SLC7A5: variants seen among roughly 807,000 people sequenced by gnomAD.
SLC7A5 encodes large neutral amino acids transporter small subunit 1.
Under a neutral mutation model 50.2 loss-of-function variants are expected in SLC7A5, and 23 were observed. The observed-to-expected ratio is 0.46, with a 90% CI of 0.33 to 0.65. The LOEUF is 0.65. Among genes scored for constraint, SLC7A5 ranks in the 30% least tolerant of loss-of-function variants. The pLI is 0.02. For missense variants in SLC7A5, 578 were observed against 684.4 expected (o/e 0.84, Z 1.73); for synonymous variants, 393 against 330.6 (o/e 1.19, Z -2.05).
Position 87,852,636 on chromosome 16 carries a change from C to CTTTGTGTGTG in SLC7A5, c.539-788_539-787insCACACACAAA, listed in dbSNP as rs1491292186. 2.1e-5 allele frequency among the ~76,000 whole-genome samples: 2 copies of CTTTGTGTGTG among 97,438 alleles called. No individual in the cohort carries two copies. Among genetic ancestry groups the CTTTGTGTGTG allele is most frequent in the African/African-American group, 7.5e-5 (2 of 26,622 alleles). The allele number at this position is 97,438 out of a possible 152,430, so 63.9% of individuals were successfully genotyped here. ...CCCTGTAAGGCACCCAGCTCTGAGC[C>CTTTGTGTGTG]TCTGTGTGTGTGTGTGTGTGTGTGT... On this transcript the variant is annotated intron_variant, in intron 1 of 9. Coordinates refer to ENST00000261622, the MANE Select transcript of SLC7A5 (RefSeq NM_003486.7). This position sits in a 1 kb window ranked among gnomAD's most constrained non-coding sequence, Gnocchi z 4.5.
chr16:87,865,325 A>G (rs1466161364), intron 1 of SLC7A5, among the ~76,000 whole-genome samples: 5 of 152,356 alleles, frequency 3.3e-5, no homozygotes, highest in Non-Finnish European at 5.9e-5. Context: ...GGACCCTATT[A>G]ACATTAACCC....
At chr16:87,857,984 A>G (rs2055342066) in intron 1 of SLC7A5, among the ~76,000 whole-genome samples, 1 of 152,206 alleles carries the variant, frequency 6.6e-6, no homozygotes, top group African/African-American at 2.4e-5. Context: ...TCCCAAGTCC[A>G]GGGTAAGCAG....
intron 1 of SLC7A5, among the ~76,000 whole-genome samples, chr16:87,865,957 G>T (rs1179666848): frequency 6.6e-6 from 1 of 152,188 alleles, no homozygotes; most frequent in East Asian, 1.9e-4. Context: ...GGAAGCAGAG[G>T]TTGCAGTGAG....
chr16:87,846,152 G>A (rs1028478034), intron 2 of SLC7A5, among the ~76,000 whole-genome samples: 5 of 152,214 alleles, frequency 3.3e-5, no homozygotes, highest in East Asian at 1.9e-4. Flanking sequence ...CAGGTTGTCC[G>A]GAGTGGAGCC....
intron 7 of SLC7A5, among the ~76,000 whole-genome samples, chr16:87,837,182 C>G (rs1462257060): frequency 6.6e-6 from 1 of 152,218 alleles, no homozygotes; most frequent in South Asian, 2.1e-4. Flanking sequence ...CCACAGCTGC[C>G]AGACCCCAGC....
chr16:87,854,998 C>A (rs1183119366), intron 1 of SLC7A5, among the ~76,000 whole-genome samples: 2 of 152,274 alleles, frequency 1.3e-5, no homozygotes, highest in Non-Finnish European at 2.9e-5. Flanking sequence ...GAAGGAAGGA[C>A]AGCCCTGGCC....
At chr16:87,835,771 G>A (rs939402485) in intron 8 of SLC7A5, among the ~76,000 whole-genome samples, 8 of 152,222 alleles carry the variant, frequency 5.3e-5, no homozygotes, top group Admixed American at 2.0e-4. Context: ...ACCGCGCCCA[G>A]CCTAAAGCCC....
chr16:87,842,815 G>A (rs2055097944), intron 2 of SLC7A5, among the ~76,000 whole-genome samples: 1 of 152,228 alleles, frequency 6.6e-6, no homozygotes, highest in South Asian at 2.1e-4. Flanking sequence ...CTGCAGGCCT[G>A]GAGCGGGGGC....
chr16:87,868,814 C>A (rs2055495448), intron 1 of SLC7A5, 71 bp downstream of exon 1: 4 of 1,422,204 alleles, frequency 2.8e-6, no homozygotes, highest in African/African-American at 2.8e-5. Flanking sequence ...GAGCCAGGGG[C>A]GTAGTGATGC....
intron 1 of SLC7A5, among the ~76,000 whole-genome samples, chr16:87,856,667 G>T (rs2055325420): frequency 1.3e-5 from 2 of 152,234 alleles, no homozygotes; most frequent in Non-Finnish European, 2.9e-5. Flanking sequence ...GGTACGCACA[G>T]GGCCCCGAAC....
chr16:87,837,565 T>G (rs1026542207), intron 7 of SLC7A5: 1 of 463,184 alleles, frequency 2.2e-6, no homozygotes, highest in South Asian at 2.6e-5. Flanking sequence ...GGAGGTGCAG[T>G]GAGCCAGGCG....
At chr16:87,867,477 G>C (rs1233872900) in intron 1 of SLC7A5, among the ~76,000 whole-genome samples, 1 of 152,170 alleles carries the variant, frequency 6.6e-6, no homozygotes, top group Non-Finnish European at 1.5e-5. Flanking sequence ...GCTCGACTCA[G>C]AGCCTCAGAG....
At position 87,851,707 on chromosome 16, in the gene SLC7A5, C is replaced by A; in HGVS notation, c.664+17G>T. The A allele has an allele frequency of 6.2e-7, 1 of 1,607,728 alleles. No individual in the cohort carries two copies. Among genetic ancestry groups the A allele is most frequent in the Non-Finnish European group, 8.5e-7 (1 of 1,175,724 alleles). On this transcript the variant is annotated intron_variant, in intron 2 of 9. Transcript: ENST00000261622. ...AGCCTCGAGGGGCCGCCGGTGGGGC[C>A]TGGGGGACGTACTCACCCTTCCCGA...
intron 1 of SLC7A5, among the ~76,000 whole-genome samples, chr16:87,856,436 C>A (rs1258381753): frequency 6.6e-6 from 1 of 152,238 alleles, no homozygotes; most frequent in East Asian, 1.9e-4. Context: ...GTGCACCGGG[C>A]ACAGCAGTTC....
Position 87,869,348 on chromosome 16 carries a change from C to G in SLC7A5, c.75G>C (p.Lys25Asn). ...AAEEKEEARE[K>N]MLAAKSADGS... Reference sequence around the variant, plus strand: ...CGTCCGCGCTCTTGGCGGCCAGCATCTTCTCCCGCGCCTCTTCCTTCTCCT... The same window carrying G: ...CGTCCGCGCTCTTGGCGGCCAGCATGTTCTCCCGCGCCTCTTCCTTCTCCT... Residue 25 changes from lysine (K) to asparagine (N), a missense_variant, in exon 1 of 10, where the codon AAG (lysine) becomes AAC (asparagine). Physicochemically the swap from Lys to Asn is moderately conservative, Grantham distance 94. Around this residue, in one of 2 missense-constraint regions of SLC7A5, gnomAD observed 113 missense variants for 89.8 expected, o/e 1.26. Transcript: ENST00000261622. 6.2e-7 allele frequency: 1 copy of G among 1,609,376 alleles called. No homozygotes were observed. Among genetic ancestry groups the G allele is most frequent in the African/African-American group, 1.3e-5 (1 of 74,916 alleles).
At position 87,853,991 on chromosome 16, in the gene SLC7A5, G is replaced by C. The variant is rs1190676765; in HGVS notation, c.539-2142C>G. The C allele has an allele frequency of 6.6e-6, 1 of 152,094 alleles. No individual in the cohort carries two copies. The highest frequency in any genetic ancestry group is 1.5e-5 in the Non-Finnish European group (1 of 68,120). The allele number at this position is 152,094 out of a possible 1,614,324, so 9.4% of individuals were successfully genotyped here. A position where few individuals can be genotyped will look rare whatever the true frequency, so the allele number is the denominator to read the frequency against. On this transcript the variant is annotated intron_variant, in intron 1 of 9. Coordinates refer to ENST00000261622, the MANE Select transcript of SLC7A5 (RefSeq NM_003486.7). The surrounding 1 kb of genome is among the most constrained non-coding windows in gnomAD (Gnocchi z 4.4). The stretch of plus-strand genomic sequence containing the variant: ...GCCCAGAATTGCCCAACCACGGGCT[G>C]TCCTGCCACACTGACGTGGTGCTGG...
chr16:87,844,588 T>C (rs556853519), intron 2 of SLC7A5, among the ~76,000 whole-genome samples: 1 of 152,336 alleles, frequency 6.6e-6, no homozygotes, highest in South Asian at 2.1e-4. Flanking sequence ...CTCTGGCTCC[T>C]GACTCAGAGG....
At chr16:87,851,889 C>A in intron 1 of SLC7A5, 40 bp from the exon 2 acceptor site, 1 of 1,611,250 alleles carries the variant, frequency 6.2e-7, no homozygotes, top group East Asian at 2.2e-5. Context: ...CACGGGCAGA[C>A]AGACGCCAGC....
rs888110846 is a variant in SLC7A5 at position 87,833,341 on chromosome 16, G to A, written c.1469-316C>T. 6.6e-6 allele frequency among the ~76,000 whole-genome samples: 1 copy of A among 152,204 alleles called. No homozygotes were observed. The highest frequency in any genetic ancestry group is 1.5e-5 in the Non-Finnish European group (1 of 68,032). Reference sequence around the variant, plus strand: ...CCCTGGTGTCTCAGCAAAGTGCAACGGGGGGATGACAGGCCTTCCTGCAGG... The same window carrying A: ...CCCTGGTGTCTCAGCAAAGTGCAACAGGGGGATGACAGGCCTTCCTGCAGG... On this transcript the variant is annotated intron_variant, in intron 9 of 9. Coordinates refer to ENST00000261622, the MANE Select transcript of SLC7A5 (RefSeq NM_003486.7). This position sits in a 1 kb window ranked among gnomAD's most constrained non-coding sequence, Gnocchi z 6.0.
Sources: allele counts gnomAD v4.1 joint callset (sites outside exome capture counted in the v4.1 genomes callset), GRCh38; gene constraint gnomAD v4.1.1; regional missense constraint gnomAD v4.1.1; non-coding constraint Gnocchi (gnomAD v3.1); transcripts MANE v1.5; gene names NCBI Gene and HGNC (gene_info 2026-07-23, HGNC 2026-07-21).